The following RERE variants were observed in gnomAD, a reference collection of about 807,000 sequenced individuals.
RERE encodes arginine-glutamic acid dipeptide repeats protein.
Under a neutral mutation model 146.1 loss-of-function variants are expected in RERE, and 40 were observed. The ratio of observed to expected loss-of-function variants is 0.27; its 90% confidence interval spans 0.21 to 0.36. RERE has a LOEUF of 0.36. RERE is among the 10% of genes least tolerant of loss of function. RERE has a pLI of 1.00. For missense variants in RERE, 1,933 were observed against 2,138.7 expected, an observed-to-expected ratio of 0.90 and a Z score of 1.90; for synonymous variants, 1,003 against 866.0, an observed-to-expected ratio of 1.16 and a Z score of -2.78.
At chr1:8,805,050 A>T (rs1354253428) in intron 1 of RERE, among the ~76,000 whole-genome samples, 1 of 118,674 alleles carries the variant, frequency 8.4e-6, no homozygotes, top group East Asian at 2.4e-4. Flanking sequence ...TTGCTCTGTC[A>T]CCCAGGCTGG....
At position 8,358,463 on chromosome 1, in the gene RERE, T is replaced by C. The variant is rs769790064; in HGVS notation, c.4072A>G (p.Thr1358Ala). Residue 1358 changes from threonine to alanine, a missense_variant, in exon 20 of 23, where the codon ACC becomes GCC. Thr to Ala is a moderately conservative substitution (Grantham distance 58). Transcript: ENST00000400908. ...GAAGCAAAAGGGTGGGGCCCGGCGG[T>C]CGGGGGGATGGTGAGGGCGCTGTGC... ...ARHSALTIPPTAGPHPFASFH... is the reference protein window; with the variant it reads ...ARHSALTIPPAAGPHPFASFH... 2 of 1,583,976 alleles carry C rather than the reference T, an allele frequency of 1.3e-6. No homozygotes were observed. The highest frequency in any genetic ancestry group is 1.1e-5 in the South Asian group (1 of 88,548).
At chr1:8,705,331 C>T (rs544226068) in intron 1 of RERE, among the ~76,000 whole-genome samples, 1 of 152,254 alleles carries the variant, frequency 6.6e-6, no homozygotes, top group East Asian at 1.9e-4. Context: ...TTTGCAGTTA[C>T]ACCAGTTTTT....
intron 4 of RERE, among the ~76,000 whole-genome samples, chr1:8,566,130 T>A (rs1646149419): frequency 6.6e-6 from 1 of 152,182 alleles, no homozygotes; most frequent in African/African-American, 2.4e-5. Flanking sequence ...TCTCCCAACC[T>A]TGGTGTATTT....
chr1:8,361,510 G>A lies in RERE; in HGVS notation c.2017-20C>T. On this transcript the variant is annotated intron_variant, in intron 17 of 22. Transcript: ENST00000400908. ...GATCTCCTGGAGTCAGAGAAGGGAAGGATGGAAGTCCCAGGAGGGCAGAGC... is the reference window on the plus strand; with the variant it reads ...GATCTCCTGGAGTCAGAGAAGGGAAAGATGGAAGTCCCAGGAGGGCAGAGC... The A allele has an allele frequency of 6.2e-7, 1 of 1,607,048 alleles. No individual in the cohort carries two copies. The highest frequency in any genetic ancestry group is 8.5e-7 in the Non-Finnish European group (1 of 1,179,832).
intron 11 of RERE, among the ~76,000 whole-genome samples, chr1:8,439,415 C>T (rs1644215910): frequency 6.6e-6 from 1 of 152,196 alleles, no homozygotes; most frequent in Non-Finnish European, 1.5e-5. Context: ...AGCTTCAAGT[C>T]AGGAGAGCTG....
intron 1 of RERE, among the ~76,000 whole-genome samples, chr1:8,794,545 C>T (rs1193460484): frequency 6.6e-6 from 1 of 151,742 alleles, no homozygotes; most frequent in Non-Finnish European, 1.5e-5. Flanking sequence ...TGTATTTTTC[C>T]ACAAAAAATG....
intron 2 of RERE, among the ~76,000 whole-genome samples, chr1:8,633,454 GACACACACAC>G (rs375248484): frequency 2.0e-5 from 3 of 150,476 alleles, no homozygotes; most frequent in African/African-American, 7.3e-5. Context: ...CACACACACA[GACACACACAC>G]ACACACACAC....
chr1:8,579,160 T>C (rs1363702342), intron 4 of RERE, among the ~76,000 whole-genome samples: 1 of 152,222 alleles, frequency 6.6e-6, no homozygotes, highest in Admixed American at 6.5e-5. Context: ...TAGCACAAGT[T>C]AAATTTCATG....
At chr1:8,731,229 T>C (rs1012528813) in intron 1 of RERE, among the ~76,000 whole-genome samples, 6 of 152,170 alleles carry the variant, frequency 3.9e-5, no homozygotes, top group African/African-American at 9.7e-5. Context: ...GGGACCTATA[T>C]AGCTTTTACC....
Position 8,817,620 on chromosome 1 carries a change from G to A in RERE, c.-605C>T, listed in dbSNP as rs1293703938. On this transcript the variant is annotated 5_prime_UTR_variant, in exon 1 of 23. Transcript: ENST00000400908. Reference sequence around the variant, plus strand: ...GAGGCTGAGGAGGCTCCGGAGCGCGGAGGGTTGCTCGCGAGCGTCTGTGGG... The same window carrying A: ...GAGGCTGAGGAGGCTCCGGAGCGCGAAGGGTTGCTCGCGAGCGTCTGTGGG... 1.3e-5 allele frequency: 2 copies of A among 151,642 alleles called. No homozygotes were observed. Among genetic ancestry groups the A allele is most frequent in the South Asian group, 2.1e-4 (1 of 4,818 alleles). 9.4% of individuals were successfully genotyped at this position (151,642 alleles called of 1,614,324 possible).
chr1:8,768,034 C>T (rs1452379760), intron 1 of RERE, among the ~76,000 whole-genome samples: 1 of 152,032 alleles, frequency 6.6e-6, no homozygotes, highest in South Asian at 2.1e-4. Flanking sequence ...AGACGAGCTA[C>T]GTGGTGGACA....
chr1:8,614,653 T>G lies in RERE; in HGVS notation c.430A>C (p.Thr144Pro), dbSNP rs781215401. ...HNSQACCRSP[T>P]PALCDPPACS... ...GCTGGGGGGTCACACAAAGCAGGAG[T>G]TGGAGATCTGCAACAGGCCTGGGAG... The change falls in exon 4 of 23, where the codon ACT becomes CCT. Residue 144 changes from threonine (T) to proline (P), a missense_variant. Transcript: ENST00000400908. 9.9e-6 allele frequency: 16 copies of G among 1,611,296 alleles called. No homozygotes were observed. The highest frequency in any genetic ancestry group is 3.3e-5 in the South Asian group (3 of 90,654).
chr1:8,427,486 G>C (rs1380697180), intron 11 of RERE, among the ~76,000 whole-genome samples: 1 of 151,948 alleles, frequency 6.6e-6, no homozygotes, highest in Non-Finnish European at 1.5e-5. Context: ...AGTCCACTGG[G>C]AACACTCAAC....
intron 11 of RERE, among the ~76,000 whole-genome samples, chr1:8,436,991 G>C (rs1644178585): frequency 6.6e-6 from 1 of 152,130 alleles, no homozygotes; most frequent in African/African-American, 2.4e-5. Context: ...AGCACTCCAA[G>C]TTTTCTATTA....
chr1:8,422,689 G>A (rs1553164733), intron 12 of RERE, 38 bp downstream of exon 12: 1 of 1,464,196 alleles, frequency 6.8e-7, no homozygotes. Context: ...GGAGCAAAGA[G>A]GAAAAAATCA....
intron 2 of RERE, among the ~76,000 whole-genome samples, chr1:8,642,335 C>A (rs1647191565): frequency 6.6e-6 from 1 of 152,132 alleles, no homozygotes; most frequent in Non-Finnish European, 1.5e-5. Context: ...CACGTTAACC[C>A]ACCAGCAGTG....
intron 4 of RERE, among the ~76,000 whole-genome samples, chr1:8,605,832 G>C (rs1295518001): frequency 9.7e-6 from 1 of 103,074 alleles, no homozygotes; most frequent in African/African-American, 3.7e-5. Context: ...AAATTTAAGT[G>C]TTAAATACCA....
chr1:8,406,752 A>T (rs1422168187), intron 12 of RERE, among the ~76,000 whole-genome samples: 2 of 152,186 alleles, frequency 1.3e-5, no homozygotes, highest in East Asian at 3.9e-4. Context: ...AGTTCAGAAT[A>T]ATTAGAACAC....
intron 1 of RERE, among the ~76,000 whole-genome samples, chr1:8,803,558 A>G (rs1006573164): frequency 6.6e-6 from 1 of 152,116 alleles, no homozygotes; most frequent in Non-Finnish European, 1.5e-5. Context: ...CCAAGTTACT[A>G]AAGTTTTGAA....
Sources: gnomAD v4.1 joint callset for allele counts (sites outside exome capture counted in the v4.1 genomes callset) on GRCh38, gnomAD v4.1.1 for gene constraint, MANE v1.5 for transcripts, NCBI Gene and HGNC (gene_info 2026-07-23, HGNC 2026-07-21) for gene names.